WDR27: variants seen among roughly 807,000 people sequenced by gnomAD.
WDR27 encodes the protein WD repeat domain 27, also known as WD repeat-containing protein 27.
In WDR27, 100 loss-of-function variants were observed where a neutral mutation model predicts 114.4. That is an observed-to-expected ratio of 0.87 (90% CI 0.74 to 1.03). The LOEUF (loss-of-function observed/expected upper bound fraction) is 1.03, where lower values mean the gene tolerates loss of function less well. Ranked by LOEUF, WDR27 falls within the 50% of genes least tolerant of loss-of-function variation. The pLI is 0.00. For missense variants in WDR27, 1,129 were observed against 1,092.9 expected (o/e 1.03, Z -0.47); for synonymous variants, 449 against 423.1 (o/e 1.06, Z -0.75).
the WDR27 span, among the ~76,000 whole-genome samples, chr6:169,430,904 G>T: frequency 9.1e-3 from 1,393 of 152,324 alleles, 27 homozygotes; most frequent in African/African-American, 0.032. Context: ...CTACTATGAA[G>T]AAATGGATGA....
At chr6:169,638,934 G>A (rs1012607240) in intron 17 of WDR27, among the ~76,000 whole-genome samples, 1 of 152,186 alleles carries the variant, frequency 6.6e-6, no homozygotes, top group Admixed American at 6.5e-5. Context: ...AGATTCAGGA[G>A]GTGCAGGTGT....
intron 25 of WDR27, among the ~76,000 whole-genome samples, chr6:169,493,497 A>T (rs1481466432): frequency 1.3e-5 from 2 of 151,710 alleles, no homozygotes; most frequent in Non-Finnish European, 2.9e-5. Flanking sequence ...AGATGTTCAA[A>T]TTTTTTTTTA....
chr6:169,528,681 C>A (rs1795227642), intron 25 of WDR27, among the ~76,000 whole-genome samples: 2 of 152,196 alleles, frequency 1.3e-5, no homozygotes, highest in South Asian at 4.1e-4. Flanking sequence ...CATGGGCCAA[C>A]AGGCCTGGCT....
intron 25 of WDR27, among the ~76,000 whole-genome samples, chr6:169,512,089 A>T (rs909868360): frequency 6.6e-6 from 1 of 152,196 alleles, no homozygotes; most frequent in Admixed American, 6.5e-5. Context: ...ATAAATTATT[A>T]TAAATTATTT....
chr6:169,444,677 T>G, the WDR27 span, among the ~76,000 whole-genome samples: 9 of 151,902 alleles, frequency 5.9e-5, no homozygotes, highest in African/African-American at 1.9e-4. Flanking sequence ...TTGTTTTTTT[T>G]TTTTTCGTCT....
At chr6:169,630,037 T>A (rs997129803) in intron 21 of WDR27, among the ~76,000 whole-genome samples, 1 of 152,158 alleles carries the variant, frequency 6.6e-6, no homozygotes, top group Non-Finnish European at 1.5e-5. Context: ...TGACAATGTT[T>A]AAGAAATTTG....
chr6:169,677,792 G>A (rs560949303), intron 2 of WDR27, among the ~76,000 whole-genome samples: 2 of 152,346 alleles, frequency 1.3e-5, no homozygotes, highest in African/African-American at 2.4e-5. Flanking sequence ...CACTGCTCCC[G>A]TCTCCAGCTC....
intron 25 of WDR27, among the ~76,000 whole-genome samples, chr6:169,508,967 G>A (rs552621893): frequency 6.6e-5 from 10 of 152,164 alleles, no homozygotes; most frequent in African/African-American, 1.4e-4. Context: ...AGGTTTTATC[G>A]TTGTTGTTGA....
At chr6:169,677,907 C>A (rs1011531913) in intron 2 of WDR27, among the ~76,000 whole-genome samples, 5 of 152,212 alleles carry the variant, frequency 3.3e-5, no homozygotes, top group Admixed American at 2.0e-4. Context: ...TGCGGGTGCA[C>A]AGAGTACAAG....
the WDR27 span, among the ~76,000 whole-genome samples, chr6:169,440,084 C>T: frequency 6.6e-6 from 1 of 152,112 alleles, no homozygotes; most frequent in South Asian, 2.1e-4. Flanking sequence ...ATCTGAGATT[C>T]AATCATTATG....
At chr6:169,658,406 C>G (rs548151701) in intron 12 of WDR27, 48 bp from the exon 13 acceptor site, 1 of 1,403,848 alleles carries the variant, frequency 7.1e-7, no homozygotes. Context: ...AACGACGATA[C>G]GATGGAAATG....
intron 25 of WDR27, among the ~76,000 whole-genome samples, chr6:169,543,942 T>C (rs74447057): frequency 1.9e-3 from 294 of 152,332 alleles, no homozygotes; most frequent in African/African-American, 5.9e-3. Flanking sequence ...ATTTCAAATA[T>C]TGACATATTA....
chr6:169,641,309 G>T (rs1357425247), intron 17 of WDR27, among the ~76,000 whole-genome samples: 1 of 151,316 alleles, frequency 6.6e-6, no homozygotes, highest in South Asian at 2.1e-4. Context: ...ATCACCGCAG[G>T]CAAGGCCGGG....
At chr6:169,691,071 A>C (rs544341245) in intron 1 of WDR27, among the ~76,000 whole-genome samples, 14 of 152,010 alleles carry the variant, frequency 9.2e-5, no homozygotes, top group Non-Finnish European at 2.1e-4. Context: ...AAAAATTAGC[A>C]GGGTGTGGTG....
chr6:169,675,690 G>T (rs888369672), intron 2 of WDR27, among the ~76,000 whole-genome samples: 25 of 152,136 alleles, frequency 1.6e-4, no homozygotes, highest in Non-Finnish European at 1.0e-4. Flanking sequence ...TTGACAATTG[G>T]TTGTTTATCT....
chr6:169,507,079 TAA>T, intron 25 of WDR27, among the ~76,000 whole-genome samples: 1 of 152,320 alleles, frequency 6.6e-6, no homozygotes, highest in East Asian at 1.9e-4. Flanking sequence ...GTTTTAGAAA[TAA>T]AATATTTTGA....
chr6:169,658,753 A>C (rs1825058251), intron 12 of WDR27, among the ~76,000 whole-genome samples: 1 of 148,886 alleles, frequency 6.7e-6, no homozygotes. Context: ...GCGCGATCTC[A>C]GCTCACTGCA....
At chr6:169,628,340 G>A (rs1228533222) in intron 21 of WDR27, among the ~76,000 whole-genome samples, 2 of 152,148 alleles carry the variant, frequency 1.3e-5, no homozygotes, top group Admixed American at 1.3e-4. Context: ...AGGGCATTTT[G>A]TTAAAGCAGC....
At chr6:169,532,932 CT>C (rs1795769416) in intron 25 of WDR27, among the ~76,000 whole-genome samples, 1 of 151,894 alleles carries the variant, frequency 6.6e-6, no homozygotes, top group Admixed American at 6.6e-5. Context: ...AATCCAGCAC[CT>C]ATTTTTGAGC....
Sources: gnomAD v4.1 joint callset for allele counts (sites outside exome capture counted in the v4.1 genomes callset) on GRCh38, gnomAD v4.1.1 for gene constraint, MANE v1.5 for transcripts, NCBI Gene and HGNC (gene_info 2026-07-23, HGNC 2026-07-21) for gene names.